TAFA2: variants seen among roughly 807,000 people sequenced by gnomAD.
TAFA2 encodes the protein TAFA chemokine like family member 2.
Under a neutral mutation model 18.8 loss-of-function variants are expected in TAFA2, and 7 were observed. The observed-to-expected ratio is 0.37, with a 90% CI of 0.21 to 0.70. TAFA2 has a LOEUF of 0.70. Ranked by LOEUF, TAFA2 falls within the 30% of genes least tolerant of loss-of-function variation. TAFA2 has a pLI of 0.53. For synonymous variants in TAFA2, 60 were observed against 54.2 expected (o/e 1.11, Z -0.47); for missense variants, 122 against 158.1 (o/e 0.77, Z 1.23).
chr12:62,216,256 T>C (rs2062735514), intron 1 of TAFA2, among the ~76,000 whole-genome samples: 2 of 152,162 alleles, frequency 1.3e-5, no homozygotes, highest in South Asian at 2.1e-4. Flanking sequence ...GTGGACATGC[T>C]TGGTAATTAG....
chr12:62,084,313 A>G (rs947741695), intron 1 of TAFA2, among the ~76,000 whole-genome samples: 4 of 152,224 alleles, frequency 2.6e-5, no homozygotes, highest in Non-Finnish European at 5.9e-5. Flanking sequence ...AATGAGCCCA[A>G]TTATGACAAT....
intron 4 of TAFA2, among the ~76,000 whole-genome samples, chr12:61,718,241 A>G (rs1869745642): frequency 6.6e-6 from 1 of 152,172 alleles, no homozygotes; most frequent in East Asian, 1.9e-4. Flanking sequence ...CCTGCCATGA[A>G]CTATTCTATG....
chr12:62,109,620 G>T (rs969340722), intron 1 of TAFA2, among the ~76,000 whole-genome samples: 3 of 152,164 alleles, frequency 2.0e-5, no homozygotes, highest in Non-Finnish European at 2.9e-5. Flanking sequence ...GAGCATGAAT[G>T]TTTTTCCATT....
Position 61,963,370 on chromosome 12 carries a change from T to A in TAFA2, c.-1-95944A>T, listed in dbSNP as rs900894300. Among the ~76,000 whole-genome samples, 3 of 152,050 alleles carry A rather than the reference T, an allele frequency of 2.0e-5. No homozygotes were observed. In the East Asian group the frequency reaches 5.8e-4, roughly 29 times the overall value. The stretch of plus-strand genomic sequence containing the variant: ...TCTCCATCATCTGTCGTTTCCTGAC[T>A]TTTGAATGATCGCCATTCAAAATGG... On this transcript the variant is annotated intron_variant, in intron 1 of 4. Coordinates refer to ENST00000416284, the MANE Select transcript of TAFA2 (RefSeq NM_178539.5).
intron 1 of TAFA2, among the ~76,000 whole-genome samples, chr12:62,035,733 CTTTTTTTTTTTTT>C (rs34859628): frequency 1.7e-5 from 1 of 60,228 alleles, no homozygotes; most frequent in Non-Finnish European, 2.9e-5. Flanking sequence ...ATGATTCTTT[CTTTTTTTTTTTTT>C]TTTTTTTTTT....
intron 1 of TAFA2, among the ~76,000 whole-genome samples, chr12:62,088,070 G>A (rs1442087699): frequency 6.6e-6 from 1 of 152,006 alleles, no homozygotes; most frequent in Non-Finnish European, 1.5e-5. Context: ...TCATATGGTT[G>A]CCCTAGCTAT....
At chr12:61,819,458 A>G (rs1044575931) in intron 2 of TAFA2, among the ~76,000 whole-genome samples, 3 of 152,212 alleles carry the variant, frequency 2.0e-5, no homozygotes, top group Non-Finnish European at 4.4e-5. Flanking sequence ...ATATCCTTAG[A>G]ATACCTCTTA....
chr12:61,841,657 A>AT (rs893357193), intron 2 of TAFA2, among the ~76,000 whole-genome samples: 5 of 152,114 alleles, frequency 3.3e-5, no homozygotes, highest in East Asian at 1.9e-4. Context: ...AAATTTCAGG[A>AT]TTTTTTTAAA....
intron 1 of TAFA2, chr12:62,234,315 T>G (rs1394155039): frequency 2.1e-6 from 1 of 471,374 alleles, no homozygotes; most frequent in African/African-American, 2.0e-5. Context: ...ATATAGAACT[T>G]GAAGACTGCC....
At chr12:61,780,486 A>G (rs1870458066) in intron 2 of TAFA2, among the ~76,000 whole-genome samples, 2 of 151,808 alleles carry the variant, frequency 1.3e-5, no homozygotes, top group Non-Finnish European at 1.5e-5. Flanking sequence ...AAACTTGTAA[A>G]TTCTTTATTT....
rs1317958690 is a variant in TAFA2, at chr12:61,867,375, T to C, written c.51A>G (p.Ile17Met). ...QKATKGKLLI[I>M]IFIVTLWGKV... ...TCCCCCACAAGGTTACAATAAATAT[T>C]ATTATTAGCAGTTTTCCTTTTGTTG... Residue 17 changes from isoleucine to methionine, a missense_variant, in exon 2 of 5, where the codon ATA (isoleucine) becomes ATG (methionine). Physicochemically the swap from Ile to Met is conservative, Grantham distance 10. This residue lies in a region of TAFA2 where 62 missense variants were observed against 55.5 expected (regional missense o/e 1.12). Transcript: ENST00000416284. The C allele has an allele frequency of 4.3e-6, 7 of 1,609,674 alleles. No individual in the cohort carries two copies. The African/African-American group carries it at 5.3e-5, about 12-fold the overall frequency.
intron 1 of TAFA2, among the ~76,000 whole-genome samples, chr12:62,103,471 T>C (rs1177585709): frequency 6.6e-6 from 1 of 152,110 alleles, no homozygotes; most frequent in Non-Finnish European, 1.5e-5. Flanking sequence ...CCAGGCATGG[T>C]GGCTCACACC....
intron 1 of TAFA2, among the ~76,000 whole-genome samples, chr12:62,010,757 G>GC (rs1203642584): frequency 3.3e-5 from 5 of 149,660 alleles, no homozygotes; most frequent in South Asian, 4.3e-4. Flanking sequence ...TCTCTGCCCG[G>GC]CCCCCCCGTC....
At chr12:62,163,203 A>G (rs2062416987) in intron 1 of TAFA2, among the ~76,000 whole-genome samples, 1 of 152,096 alleles carries the variant, frequency 6.6e-6, no homozygotes, top group Non-Finnish European at 1.5e-5. Context: ...ATGACTTTAC[A>G]AGGATCTCGC....
intron 1 of TAFA2, among the ~76,000 whole-genome samples, chr12:62,011,961 C>T (rs1011771269): frequency 1.4e-4 from 22 of 152,110 alleles, no homozygotes; most frequent in African/African-American, 5.3e-4. Context: ...AAATCATAAG[C>T]ACTAATAGGG....
Position 62,191,572 on chromosome 12 carries a change from C to T in TAFA2, c.-315G>A, listed in dbSNP as rs1229284034. On this transcript the variant is annotated 5_prime_UTR_variant, in exon 1 of 5. Coordinates refer to ENST00000416284, the MANE Select transcript of TAFA2 (RefSeq NM_178539.5). ...AAGGTGAGCCTGATCCTTCTCCCCG[C>T]TTCTTTATTCCACAGTGTCAAAGTA... The T allele has an allele frequency of 2.0e-5, 3 of 152,224 alleles. No homozygotes were observed. The highest frequency in any genetic ancestry group is 2.0e-4 in the Admixed American group (3 of 15,284). 9.4% of individuals were successfully genotyped at this position (152,224 alleles called of 1,614,324 possible). A position where few individuals can be genotyped will look rare whatever the true frequency, so the allele number is the denominator to read the frequency against.
At chr12:62,064,011 TA>T (rs1882422367) in intron 1 of TAFA2, among the ~76,000 whole-genome samples, 1 of 152,138 alleles carries the variant, frequency 6.6e-6, no homozygotes, top group African/African-American at 2.4e-5. Context: ...TAGACAATGG[TA>T]GGTGCTTAAT....
At chr12:62,180,990 G>C (rs1375184468) in intron 1 of TAFA2, among the ~76,000 whole-genome samples, 1 of 152,112 alleles carries the variant, frequency 6.6e-6, no homozygotes, top group African/African-American at 2.4e-5. Flanking sequence ...TACAACAGTA[G>C]AATCACAAGT....
intron 2 of TAFA2, among the ~76,000 whole-genome samples, chr12:61,772,059 A>G (rs1040958980): frequency 4.6e-5 from 7 of 151,920 alleles, no homozygotes; most frequent in Admixed American, 1.3e-4. Flanking sequence ...TACAACTGAT[A>G]CCACAGAAAT....
Sources: gnomAD v4.1 joint callset for allele counts (sites outside exome capture counted in the v4.1 genomes callset) on GRCh38, gnomAD v4.1.1 for gene constraint, gnomAD v4.1.1 regional missense constraint, MANE v1.5 for transcripts, NCBI Gene and HGNC (gene_info 2026-07-23, HGNC 2026-07-21) for gene names.